SUGT1: variants seen among roughly 807,000 people sequenced by gnomAD.
The protein encoded by SUGT1 is SGT1 assembly cochaperone of MIS12 kinetochore complex, also known as protein SGT1 homolog.
In SUGT1, 15 loss-of-function variants were observed where a neutral mutation model predicts 56.1. The ratio of observed to expected loss-of-function variants is 0.27; its 90% CI spans 0.18 to 0.41. The LOEUF (loss-of-function observed/expected upper bound fraction) is 0.41, where lower values mean the gene tolerates loss of function less well. SUGT1 is among the 10% of genes least tolerant of loss of function. SUGT1 has a pLI of 1.00. For missense variants in SUGT1, 347 were observed against 382.2 expected (o/e 0.91, Z 0.77); for synonymous variants, 123 against 128.6 (o/e 0.96, Z 0.30).
In SUGT1 at chr13:52,692,417, T is replaced by A. The variant is rs1963808214; in HGVS notation, c.*4582T>A. 1 of 121,540 alleles carries A rather than the reference T, an allele frequency of 8.2e-6. No homozygotes were observed. The highest frequency in any genetic ancestry group is 3.2e-5 in the African/African-American group (1 of 31,384). 7.5% of individuals were successfully genotyped at this position (121,540 alleles called of 1,614,324 possible). On this transcript the variant is annotated 3_prime_UTR_variant, in exon 13 of 13. Coordinates refer to ENST00000310528, the MANE Select transcript of SUGT1 (RefSeq NM_006704.5). ...TTCAAGTTAAAGAACTAATTCTTTT[T>A]TTTTTTTTTTTTGAGACAGTCTCAC... is the stretch of plus-strand genomic sequence containing the variant.
chr13:52,698,654 C>G lies in SUGT1; in HGVS notation c.*10819C>G, dbSNP rs529156516. On this transcript the variant is annotated 3_prime_UTR_variant, in exon 13 of 13. Transcript: ENST00000310528. Reference sequence around the variant, plus strand: ...CTTGCTGTGTTGCCCGGGCTGCTCTCTTAACTCCTGGCCTCAAGTAATCCT... The same window carrying G: ...CTTGCTGTGTTGCCCGGGCTGCTCTGTTAACTCCTGGCCTCAAGTAATCCT... 1 of 152,588 alleles carries G rather than the reference C, an allele frequency of 6.6e-6. No homozygotes were observed. The highest frequency in any genetic ancestry group is 6.6e-5 in the Admixed American group (1 of 15,260). The allele number at this position is 152,588 out of a possible 1,614,324, so 9.5% of individuals were successfully genotyped here.
At chr13:52,658,087 C>A in intron 3 of SUGT1, 1 of 1,249,848 alleles carries the variant, frequency 8.0e-7, no homozygotes, top group Non-Finnish European at 1.0e-6. Context: ...GTATTTTGTA[C>A]CTTCTGAATA....
chr13:52,688,316 T>C lies in SUGT1; in HGVS notation c.*481T>C, dbSNP rs1963671737. The C allele has an allele frequency of 6.5e-6, 1 of 152,746 alleles. No individual in the cohort carries two copies. Among genetic ancestry groups the C allele is most frequent in the South Asian group, 2.1e-4 (1 of 4,832 alleles). The allele number at this position is 152,746 out of a possible 1,614,324, so 9.5% of individuals were successfully genotyped here. ...GAAGATGTTTGGTTTATTTACCTTT[T>C]TCTTAAGTTTTTAATGAGAACTTTG... is the stretch of plus-strand genomic sequence containing the variant. On this transcript the variant is annotated 3_prime_UTR_variant, in exon 13 of 13. Coordinates refer to ENST00000310528, the MANE Select transcript of SUGT1 (RefSeq NM_006704.5).
intron 12 of SUGT1, among the ~76,000 whole-genome samples, chr13:52,686,899 C>G (rs111380009): frequency 0.055 from 8,299 of 151,648 alleles, 258 homozygotes; most frequent in Middle Eastern, 0.076. Context: ...TGGAGAAACC[C>G]TGTCTCTACT....
chr13:52,676,478 T>G (rs982435361), intron 11 of SUGT1, among the ~76,000 whole-genome samples, 158 bp downstream of exon 11: 33 of 152,234 alleles, frequency 2.2e-4, no homozygotes, highest in African/African-American at 7.7e-4. Context: ...AAAGTAGCCT[T>G]TCTGTGAAAG....
At chr13:52,673,613 C>T (rs1459085073) in intron 10 of SUGT1, among the ~76,000 whole-genome samples, 2 of 152,146 alleles carry the variant, frequency 1.3e-5, no homozygotes, top group South Asian at 2.1e-4. Flanking sequence ...TCAGTAGATG[C>T]GAATGCTACT....
At chr13:52,674,590 T>TG (rs1487936884) in intron 10 of SUGT1, among the ~76,000 whole-genome samples, 2 of 152,148 alleles carry the variant, frequency 1.3e-5, no homozygotes, top group African/African-American at 4.8e-5. Flanking sequence ...GGCCTGGAAT[T>TG]GCTAGTTTAA....
chr13:52,656,537 T>G (rs895428413), intron 2 of SUGT1, among the ~76,000 whole-genome samples: 2 of 152,230 alleles, frequency 1.3e-5, no homozygotes, highest in Non-Finnish European at 2.9e-5. Flanking sequence ...TTCCATGGCT[T>G]TCCATCAAAC....
intron 12 of SUGT1, among the ~76,000 whole-genome samples, chr13:52,683,558 T>A (rs9536238): frequency 0.036 from 5,452 of 152,286 alleles, 129 homozygotes; most frequent in South Asian, 0.064. Context: ...CTAATTTTCT[T>A]TTTGTGCTAT....
chr13:52,663,029 T>A, intron 6 of SUGT1, 67 bp from the exon 7 acceptor site: 1 of 1,531,598 alleles, frequency 6.5e-7, no homozygotes, highest in East Asian at 2.3e-5. Context: ...GCTATAGAAA[T>A]CATACAAATA....
At position 52,688,557 on chromosome 13, in the gene SUGT1, C is replaced by T. The variant is rs944725386; in HGVS notation, c.*722C>T. 3 of 152,118 alleles carry T rather than the reference C, an allele frequency of 2.0e-5. No individual in the cohort carries two copies. Among genetic ancestry groups the T allele is most frequent in the African/African-American group, 4.8e-5 (2 of 41,424 alleles). The allele number at this position is 152,118 out of a possible 1,614,324, so 9.4% of individuals were successfully genotyped here. On this transcript the variant is annotated 3_prime_UTR_variant, in exon 13 of 13. Transcript: ENST00000310528. ...CCAACTCCACTTGCTTCTTTTATCA[C>T]GACAGGATTCTTGAAATTACAGCAT...
Position 52,699,632 on chromosome 13 carries a change from A to G in SUGT1, c.*11797A>G, listed in dbSNP as rs1375620094. 6.6e-6 allele frequency: 1 copy of G among 152,220 alleles called. No individual in the cohort carries two copies. Among genetic ancestry groups the G allele is most frequent in the Non-Finnish European group, 1.5e-5 (1 of 68,026 alleles). 9.4% of individuals were successfully genotyped at this position (152,220 alleles called of 1,614,324 possible). On this transcript the variant is annotated 3_prime_UTR_variant, in exon 13 of 13. Coordinates refer to ENST00000310528, the MANE Select transcript of SUGT1 (RefSeq NM_006704.5). ...GGAAAGGAAACCATTTGCCTTTAAC[A>G]GCATTAGTCCCGCTAAGAGAAAGTT...
chr13:52,662,545 C>G, intron 5 of SUGT1, 104 bp from the exon 6 acceptor site: 10 of 1,121,318 alleles, frequency 8.9e-6, no homozygotes, highest in South Asian at 4.6e-5. Context: ...GCCGACTCCC[C>G]AGTGCCTAGA....
chr13:52,681,836 T>A (rs1374299716), intron 12 of SUGT1, among the ~76,000 whole-genome samples: 9 of 134,034 alleles, frequency 6.7e-5, no homozygotes, highest in South Asian at 2.4e-4. Context: ...CCTATCTCTT[T>A]AAAAAAAAAA....
Position 52,690,730 on chromosome 13 carries a change from G to C in SUGT1, c.*2895G>C, listed in dbSNP as rs1005713682. 6.6e-6 allele frequency: 1 copy of C among 152,158 alleles called. No individual in the cohort carries two copies. The highest frequency in any genetic ancestry group is 2.4e-5 in the African/African-American group (1 of 41,404). 9.4% of individuals were successfully genotyped at this position (152,158 alleles called of 1,614,324 possible). ...TCTTATGTCTTAATACCCATTCAGA[G>C]TTGACTGCCAACTAACAAGCTCAGC... is the stretch of plus-strand genomic sequence containing the variant. On this transcript the variant is annotated 3_prime_UTR_variant, in exon 13 of 13. Coordinates refer to ENST00000310528, the MANE Select transcript of SUGT1 (RefSeq NM_006704.5).
intron 10 of SUGT1, among the ~76,000 whole-genome samples, chr13:52,671,342 A>C (rs1962928833): frequency 6.6e-6 from 1 of 151,842 alleles, no homozygotes; most frequent in Non-Finnish European, 1.5e-5. Context: ...CATAATTTTT[A>C]AACAGCTACA....
At position 52,657,572 on chromosome 13, in the gene SUGT1, A is replaced by G. The variant is rs1429976410; in HGVS notation, c.137A>G (p.Gln46Arg). The change falls in exon 3 of 13, where the codon CAG becomes CGG. Residue 46 changes from glutamine to arginine, a missense_variant. Gln to Arg is a conservative substitution (Grantham distance 43, BLOSUM62 1). Transcript: ENST00000310528. ...TTGGAACAGAAACCAGATGATGCACAGTATTATTGTCAAAGAGCTTATTGT... is the reference window on the plus strand; with the variant it reads ...TTGGAACAGAAACCAGATGATGCACGGTATTATTGTCAAAGAGCTTATTGT... ...KALEQKPDDA[Q>R]YYCQRAYCHI... The G allele has an allele frequency of 2.5e-6, 4 of 1,613,656 alleles. No individual in the cohort carries two copies. The highest frequency in any genetic ancestry group is 1.3e-5 in the African/African-American group (1 of 74,938).
chr13:52,684,550 C>A (rs1347285664), intron 12 of SUGT1, among the ~76,000 whole-genome samples: 1 of 151,638 alleles, frequency 6.6e-6, no homozygotes, highest in East Asian at 1.9e-4. Context: ...TCTATTCACT[C>A]ATTTTTGAGA....
Position 52,690,166 on chromosome 13 carries a change from A to G in SUGT1, c.*2331A>G, listed in dbSNP as rs975379880. 2 of 152,218 alleles carry G rather than the reference A, an allele frequency of 1.3e-5. No individual in the cohort carries two copies. The highest frequency in any genetic ancestry group is 4.8e-5 in the African/African-American group (2 of 41,450). The allele number at this position is 152,218 out of a possible 1,614,324, so 9.4% of individuals were successfully genotyped here. On this transcript the variant is annotated 3_prime_UTR_variant, in exon 13 of 13. Transcript: ENST00000310528. ...CCTTGTCAAATACATTAGATTCATT[A>G]TAGGTCAAGGGAATTTTGAAAAGTA...
Sources: allele counts gnomAD v4.1 joint callset (sites outside exome capture counted in the v4.1 genomes callset), GRCh38; gene constraint gnomAD v4.1.1; transcripts MANE v1.5; gene names NCBI Gene and HGNC (gene_info 2026-07-23, HGNC 2026-07-21).